The following PLXNC1 variants were observed in gnomAD, a reference collection of about 807,000 sequenced individuals.
PLXNC1 encodes plexin-C1.
In PLXNC1, 75 loss-of-function variants were observed where a neutral mutation model predicts 178.2. The ratio of observed to expected loss-of-function variants is 0.42; its 90% CI spans 0.35 to 0.51. The LOEUF (loss-of-function observed/expected upper bound fraction) is 0.51. Among genes scored for constraint, PLXNC1 ranks in the 20% least tolerant of loss-of-function variants. PLXNC1 has a pLI of 0.02. For synonymous variants in PLXNC1, 790 were observed against 779.9 expected, an observed-to-expected ratio of 1.01 and a Z score of -0.22; for missense variants, 1,503 against 1,984.4, an observed-to-expected ratio of 0.76 and a Z score of 4.61.
intron 21 of PLXNC1, among the ~76,000 whole-genome samples, chr12:94,271,954 G>T (rs1240653232): frequency 6.6e-6 from 1 of 152,120 alleles, no homozygotes; most frequent in Admixed American, 6.5e-5. Context: ...ACATATGACC[G>T]CTGTGATGGG....
chr12:94,283,581 T>C (rs1362702254), intron 23 of PLXNC1, among the ~76,000 whole-genome samples: 1 of 152,158 alleles, frequency 6.6e-6, no homozygotes, highest in African/African-American at 2.4e-5. Flanking sequence ...CTCAAATCAG[T>C]CTCCCTGAGC....
At chr12:94,263,950 C>G (rs963451095) in intron 20 of PLXNC1, among the ~76,000 whole-genome samples, 4 of 151,638 alleles carry the variant, frequency 2.6e-5, no homozygotes, top group Admixed American at 2.6e-4. Flanking sequence ...CTTGCCTGCG[C>G]AAGGGAAAGC....
intron 5 of PLXNC1, among the ~76,000 whole-genome samples, chr12:94,218,088 A>C (rs1463804413): frequency 6.6e-6 from 1 of 152,228 alleles, no homozygotes; most frequent in Non-Finnish European, 1.5e-5. Flanking sequence ...ATATGTATAC[A>C]AGATAAGATG....
At chr12:94,285,510 T>G (rs1966785391) in intron 23 of PLXNC1, among the ~76,000 whole-genome samples, 1 of 152,176 alleles carries the variant, frequency 6.6e-6, no homozygotes, top group Admixed American at 6.5e-5. Flanking sequence ...CTCCTATAGC[T>G]CAGACTTGCC....
chr12:94,245,251 C>T (rs1186755441), intron 12 of PLXNC1, among the ~76,000 whole-genome samples: 1 of 152,236 alleles, frequency 6.6e-6, no homozygotes. Context: ...GCTCTCCCTC[C>T]TACTTGCTGT....
chr12:94,189,392 G>A (rs1008759501), intron 4 of PLXNC1, among the ~76,000 whole-genome samples: 40 of 152,158 alleles, frequency 2.6e-4, no homozygotes, highest in African/African-American at 9.6e-4. Flanking sequence ...TTTAAAGATT[G>A]TTAGGGGCAG....
At chr12:94,302,446 G>GC (rs1968558348) in intron 28 of PLXNC1, among the ~76,000 whole-genome samples, 1 of 152,128 alleles carries the variant, frequency 6.6e-6, no homozygotes, top group African/African-American at 2.4e-5. Context: ...GTCTACATAT[G>GC]CCTACTTTGT....
chr12:94,293,969 C>T (rs1169872949), intron 23 of PLXNC1, among the ~76,000 whole-genome samples: 1 of 152,062 alleles, frequency 6.6e-6, no homozygotes, highest in Admixed American at 6.6e-5. Flanking sequence ...GGGCTCCAAC[C>T]TCATGACTTA....
At chr12:94,238,370 A>C (rs1964295758) in intron 10 of PLXNC1, among the ~76,000 whole-genome samples, 1 of 152,184 alleles carries the variant, frequency 6.6e-6, no homozygotes, top group Non-Finnish European at 1.5e-5. Flanking sequence ...TGGTCAATGT[A>C]TCTCTTGAAC....
intron 9 of PLXNC1, among the ~76,000 whole-genome samples, chr12:94,233,775 T>A (rs766616428): frequency 1.2e-4 from 19 of 152,212 alleles, no homozygotes; most frequent in Non-Finnish European, 2.5e-4. Flanking sequence ...TGTATTTTGC[T>A]ATTTTCTTTC....
intron 22 of PLXNC1, among the ~76,000 whole-genome samples, chr12:94,281,537 C>CT (rs1027495773): frequency 3.9e-4 from 59 of 152,148 alleles, no homozygotes; most frequent in African/African-American, 1.3e-3. Context: ...GTTCGATTTT[C>CT]TTTTTTTAAA....
At chr12:94,271,129 G>C (rs992744396) in intron 21 of PLXNC1, among the ~76,000 whole-genome samples, 4 of 152,090 alleles carry the variant, frequency 2.6e-5, no homozygotes, top group African/African-American at 9.7e-5. Context: ...CTTTTCTCTT[G>C]ACTTTCATTC....
chr12:94,205,199 G>A (rs1240241958), intron 4 of PLXNC1, among the ~76,000 whole-genome samples: 1 of 152,018 alleles, frequency 6.6e-6, no homozygotes, highest in Non-Finnish European at 1.5e-5. Context: ...TCAGAGGTGG[G>A]CCTCCCTGTT....
chr12:94,251,267 A>C (rs1192590887), intron 14 of PLXNC1, among the ~76,000 whole-genome samples, 159 bp from the exon 15 acceptor site: 2 of 152,204 alleles, frequency 1.3e-5, no homozygotes, highest in African/African-American at 4.8e-5. Context: ...TTGCCCAAGG[A>C]CACATAGCTA....
At chr12:94,238,431 GGAGA>G (rs1433613384) in intron 10 of PLXNC1, among the ~76,000 whole-genome samples, 4 of 151,886 alleles carry the variant, frequency 2.6e-5, no homozygotes, top group Non-Finnish European at 4.4e-5. Flanking sequence ...GGTGAAACTT[GGAGA>G]AAGACTTTTC....
chr12:94,286,353 T>G (rs956546871), intron 23 of PLXNC1, among the ~76,000 whole-genome samples: 7 of 152,156 alleles, frequency 4.6e-5, no homozygotes, highest in African/African-American at 1.7e-4. Context: ...TCAAAAGCCC[T>G]GTTTTTTAAA....
At chr12:94,295,669 G>A (rs148491844) in intron 24 of PLXNC1, among the ~76,000 whole-genome samples, 28 of 152,190 alleles carry the variant, frequency 1.8e-4, no homozygotes, top group Non-Finnish European at 2.5e-4. Flanking sequence ...TGAACCCAAC[G>A]ATTATCCTTT....
chr12:94,164,490 CA>C (rs1393224286), intron 1 of PLXNC1, among the ~76,000 whole-genome samples: 1 of 152,168 alleles, frequency 6.6e-6, no homozygotes, highest in Non-Finnish European at 1.5e-5. Context: ...GGGGCAGGGC[CA>C]AGCTGTGGCT....
intron 6 of PLXNC1, among the ~76,000 whole-genome samples, chr12:94,220,555 C>T (rs1963766211): frequency 6.6e-6 from 1 of 152,172 alleles, no homozygotes; most frequent in Non-Finnish European, 1.5e-5. Flanking sequence ...ATACATCCAT[C>T]CAGGAAGTAT....
Sources: allele counts gnomAD v4.1 joint callset (sites outside exome capture counted in the v4.1 genomes callset), GRCh38; gene constraint gnomAD v4.1.1; transcripts MANE v1.5; gene names NCBI Gene and HGNC (gene_info 2026-07-23, HGNC 2026-07-21).